The following TSGA10 variants were observed in gnomAD, a reference collection of about 807,000 sequenced individuals.
TSGA10 encodes the protein testis specific 10, also known as testis-specific gene 10 protein.
TSGA10 carries 43 observed loss-of-function variants against 96.6 expected under a neutral mutation model. That is an observed-to-expected ratio of 0.44 (90% confidence interval 0.35 to 0.57). TSGA10 has a LOEUF of 0.57. Among genes scored for constraint, TSGA10 ranks in the 20% least tolerant of loss-of-function variants. The pLI, the probability that TSGA10 is intolerant of heterozygous loss-of-function variation, is 0.01. For missense variants in TSGA10, 703 were observed against 834.4 expected, an observed-to-expected ratio of 0.84 and a Z score of 1.94; for synonymous variants, 229 against 269.9, an observed-to-expected ratio of 0.85 and a Z score of 1.48.
intron 4 of TSGA10, among the ~76,000 whole-genome samples, chr2:99,112,620 T>C (rs192273155): frequency 2.3e-4 from 35 of 151,904 alleles, no homozygotes; most frequent in Non-Finnish European, 4.3e-4. Context: ...GCAAAAAACA[T>C]TGCAGGCAAA....
intron 17 of TSGA10, among the ~76,000 whole-genome samples, chr2:99,022,441 A>T (rs1178802430): frequency 6.6e-6 from 1 of 152,078 alleles, no homozygotes; most frequent in East Asian, 1.9e-4. Flanking sequence ...TATAAACGGA[A>T]ACAAACAATG....
intron 16 of TSGA10, among the ~76,000 whole-genome samples, chr2:99,043,872 T>C (rs1483529575): frequency 6.6e-6 from 1 of 152,160 alleles, no homozygotes; most frequent in Non-Finnish European, 1.5e-5. Context: ...TGGGAGCCAA[T>C]ATTCAACATT....
intron 20 of TSGA10, among the ~76,000 whole-genome samples, chr2:99,001,109 T>G: frequency 6.6e-6 from 1 of 152,182 alleles, no homozygotes; most frequent in Admixed American, 6.5e-5. Context: ...CTGACAGCTT[T>G]GAAGAGAGCA....
At chr2:99,027,169 G>A (rs2080683598) in intron 17 of TSGA10, among the ~76,000 whole-genome samples, 1 of 152,186 alleles carries the variant, frequency 6.6e-6, no homozygotes, top group African/African-American at 2.4e-5. Flanking sequence ...ACAGGCTATG[G>A]GCCCGTACAG....
intron 17 of TSGA10, among the ~76,000 whole-genome samples, chr2:99,023,556 T>C (rs995466927): frequency 1.3e-5 from 2 of 152,234 alleles, no homozygotes; most frequent in Non-Finnish European, 2.9e-5. Context: ...TATAGCCCTA[T>C]GATTCATTTT....
Position 99,008,553 on chromosome 2 carries a change from C to T in TSGA10, c.2072+9647G>A, listed in dbSNP as rs150782591. ...GCTTGACAGTGTGTTCTATTAGTGA[C>T]GCTGTGGGGAAACAGTACTTTCACA... On this transcript the variant is annotated intron_variant, in intron 20 of 20. Coordinates refer to ENST00000393483, the MANE Select transcript of TSGA10 (RefSeq NM_025244.4). Among the ~76,000 whole-genome samples the T allele has an allele frequency of 2.8e-3, 432 of 152,310 alleles. 2 individuals carry two copies. The highest frequency in any genetic ancestry group is 1.0e-2 in the African/African-American group (414 of 41,576).
At chr2:99,142,560 A>G (rs1197202664) in intron 1 of TSGA10, among the ~76,000 whole-genome samples, 2 of 152,182 alleles carry the variant, frequency 1.3e-5, no homozygotes, top group Non-Finnish European at 2.9e-5. Context: ...TGTCGCATTT[A>G]TTTTCAGATA....
chr2:99,133,645 T>C (rs2093203054), intron 1 of TSGA10, among the ~76,000 whole-genome samples: 1 of 152,240 alleles, frequency 6.6e-6, no homozygotes, highest in African/African-American at 2.4e-5. Flanking sequence ...CAGCTGGTTA[T>C]TTTGCCCATT....
chr2:99,079,313 A>G (rs1186323775), intron 11 of TSGA10, among the ~76,000 whole-genome samples: 1 of 152,198 alleles, frequency 6.6e-6, no homozygotes, highest in Non-Finnish European at 1.5e-5. Flanking sequence ...TGTTATAAAA[A>G]TTCCTAGGAA....
Position 99,031,434 on chromosome 2 carries a change from G to C in TSGA10, c.1614+3796C>G, listed in dbSNP as rs374107640. Among the ~76,000 whole-genome samples the C allele has an allele frequency of 8.3e-4, 126 of 151,862 alleles. 2 individuals carry two copies. The South Asian group carries it at 0.026, about 31-fold the overall frequency. ...GAAGTAGGAAAATCTTTGAGATTTA[G>C]AGCTATAGCAAATAATTTTTAGACT... On this transcript the variant is annotated intron_variant, in intron 17 of 20. Transcript: ENST00000393483.
At chr2:99,078,902 C>G in intron 11 of TSGA10, 89 bp from the exon 12 acceptor site, 1 of 1,105,396 alleles carries the variant, frequency 9.0e-7, no homozygotes, top group South Asian at 1.8e-5. Flanking sequence ...TGAACTTCTC[C>G]TTACTTCTAA....
At chr2:99,049,567 C>G (rs1373418877) in intron 16 of TSGA10, among the ~76,000 whole-genome samples, 1 of 151,912 alleles carries the variant, frequency 6.6e-6, no homozygotes, top group Non-Finnish European at 1.5e-5. Flanking sequence ...ACATCACACA[C>G]CGGGGCCTGT....
chr2:99,114,945 T>TA (rs1047465938), intron 4 of TSGA10, among the ~76,000 whole-genome samples: 2 of 152,024 alleles, frequency 1.3e-5, no homozygotes, highest in African/African-American at 2.4e-5. Flanking sequence ...TATATATATA[T>TA]TTTTTTGAGA....
At chr2:99,140,955 G>T in intron 1 of TSGA10, 1 of 596,952 alleles carries the variant, frequency 1.7e-6, no homozygotes, top group Non-Finnish European at 2.3e-6. Flanking sequence ...CGCTCCCGCT[G>T]CTAGCGCCCA....
chr2:99,097,957 C>T (rs1162257653), intron 10 of TSGA10, among the ~76,000 whole-genome samples: 1 of 151,968 alleles, frequency 6.6e-6, no homozygotes, highest in African/African-American at 2.4e-5. Flanking sequence ...AAGAAAGTCA[C>T]TTAGTAATAG....
At chr2:99,079,933 G>A (rs891770120) in intron 11 of TSGA10, among the ~76,000 whole-genome samples, 7 of 152,124 alleles carry the variant, frequency 4.6e-5, no homozygotes, top group African/African-American at 1.7e-4. Context: ...TTTGCAGGCA[G>A]TATTGCCTTT....
chr2:99,096,832 A>G (rs2090099288), intron 10 of TSGA10, among the ~76,000 whole-genome samples: 1 of 152,190 alleles, frequency 6.6e-6, no homozygotes, highest in African/African-American at 2.4e-5. Flanking sequence ...TATATCTGTT[A>G]TTTTCTTAGG....
intron 16 of TSGA10, among the ~76,000 whole-genome samples, chr2:99,061,091 G>T (rs1443656331): frequency 6.6e-6 from 1 of 152,174 alleles, no homozygotes; most frequent in African/African-American, 2.4e-5. Flanking sequence ...TCTGCTCTTA[G>T]AATGATTTTA....
chr2:99,085,863 GA>G (rs1335894504), intron 10 of TSGA10, among the ~76,000 whole-genome samples: 1 of 151,954 alleles, frequency 6.6e-6, no homozygotes. Flanking sequence ...TAAACAAATA[GA>G]AAACAAGAAA....
Sources: allele counts gnomAD v4.1 joint callset (sites outside exome capture counted in the v4.1 genomes callset), GRCh38; gene constraint gnomAD v4.1.1; transcripts MANE v1.5; gene names NCBI Gene and HGNC (gene_info 2026-07-23, HGNC 2026-07-21).